Variants in SLC60A1 observed in about 807,000 individuals in gnomAD.
The protein encoded by SLC60A1 is major facilitator superfamily domain containing 4.
the SLC60A1 span, among the ~76,000 whole-genome samples, chr1:205,589,846 G>A: frequency 1.8e-4 from 27 of 152,324 alleles, no homozygotes; most frequent in African/African-American, 4.8e-4. Flanking sequence ...TAGTCCAGGC[G>A]CAAGAGGGAG....
the SLC60A1 span, chr1:205,592,127 T>A: frequency 2.5e-6 from 4 of 1,613,640 alleles, no homozygotes; most frequent in African/African-American, 2.7e-5. Flanking sequence ...CGCCTCCACC[T>A]CTGCCGCGAC....
the SLC60A1 span, among the ~76,000 whole-genome samples, chr1:205,569,901 C>T: frequency 1.3e-5 from 2 of 152,158 alleles, no homozygotes; most frequent in Admixed American, 6.5e-5. Context: ...CTGTGTAGCC[C>T]TCCTCCTGAG....
the SLC60A1 span, among the ~76,000 whole-genome samples, chr1:205,571,964 G>A: frequency 2.0e-5 from 3 of 152,128 alleles, no homozygotes; most frequent in South Asian, 2.1e-4. Context: ...TGTCTTTCTC[G>A]TGGGTTCCTA....
At chr1:205,591,766 G>A in the SLC60A1 span, among the ~76,000 whole-genome samples, 2 of 152,224 alleles carry the variant, frequency 1.3e-5, no homozygotes, top group Admixed American at 6.5e-5. Context: ...CCTACCCCCA[G>A]GGCTGGCAGG....
the SLC60A1 span, among the ~76,000 whole-genome samples, chr1:205,574,635 G>A: frequency 6.6e-6 from 1 of 152,142 alleles, no homozygotes; most frequent in African/African-American, 2.4e-5. Context: ...AGCATGGAGA[G>A]TGGCACATTT....
chr1:205,596,301 A>G, the SLC60A1 span, among the ~76,000 whole-genome samples: 97,739 of 151,804 alleles, frequency 0.64, 32,122 homozygotes, highest in African/African-American at 0.71. Flanking sequence ...GCAGGTGCAG[A>G]GTGATATCAC....
the SLC60A1 span, chr1:205,586,204 C>T: frequency 1.2e-4 from 200 of 1,613,148 alleles, no homozygotes; most frequent in Non-Finnish European, 1.7e-4. Context: ...TTTTCATCAA[C>T]GTGGTAAGCA....
At chr1:205,581,572 T>G in the SLC60A1 span, among the ~76,000 whole-genome samples, 3 of 151,912 alleles carry the variant, frequency 2.0e-5, no homozygotes, top group Admixed American at 2.0e-4. This position sits in a 1 kb window ranked among gnomAD's most constrained non-coding sequence, Gnocchi z 4.2. Context: ...GAGTGTCAGG[T>G]GGGGAGACCC....
At chr1:205,574,133 T>C in the SLC60A1 span, among the ~76,000 whole-genome samples, 1 of 152,084 alleles carries the variant, frequency 6.6e-6, no homozygotes. Context: ...GTAATTTATA[T>C]ATCAATTTTT....
chr1:205,569,018 C>T, the SLC60A1 span: 6 of 1,278,858 alleles, frequency 4.7e-6, no homozygotes, highest in East Asian at 2.0e-4. Flanking sequence ...GCGGGCGGCA[C>T]TCGGGCACCG....
chr1:205,582,255 C>A, the SLC60A1 span, among the ~76,000 whole-genome samples: 1 of 152,134 alleles, frequency 6.6e-6, no homozygotes, highest in Non-Finnish European at 1.5e-5. Context: ...CCGGCTTAAG[C>A]CCGAGGTTTG....
At chr1:205,578,731 C>G in the SLC60A1 span, among the ~76,000 whole-genome samples, 9 of 152,084 alleles carry the variant, frequency 5.9e-5, no homozygotes, top group African/African-American at 9.7e-5. Context: ...GCCTTTCCCC[C>G]TCCCCTCTCT....
the SLC60A1 span, chr1:205,591,970 G>A: frequency 7.1e-6 from 6 of 842,246 alleles, no homozygotes; most frequent in Non-Finnish European, 9.1e-6. Flanking sequence ...AACGGTCCCC[G>A]GAACACTGCG....
the SLC60A1 span, chr1:205,579,701 G>C: frequency 8.8e-6 from 14 of 1,587,958 alleles, no homozygotes; most frequent in South Asian, 1.4e-4. Context: ...GGAGAAGGGG[G>C]AGGGGATGCT....
chr1:205,589,183 C>T, the SLC60A1 span, among the ~76,000 whole-genome samples: 2 of 152,110 alleles, frequency 1.3e-5, no homozygotes, highest in African/African-American at 4.8e-5. Flanking sequence ...GCTTCCAAAC[C>T]CCGGCATCTG....
chr1:205,588,008 G>T, the SLC60A1 span, among the ~76,000 whole-genome samples: 1 of 152,102 alleles, frequency 6.6e-6, no homozygotes, highest in Admixed American at 6.6e-5. Context: ...CAGGTTCCTG[G>T]GCCCAACCCA....
chr1:205,579,697 G>T, the SLC60A1 span: 7 of 1,593,234 alleles, frequency 4.4e-6, no homozygotes, highest in East Asian at 1.1e-4. Context: ...TGGAGGAGAA[G>T]GGGGAGGGGA....
At chr1:205,574,113 T>C in the SLC60A1 span, among the ~76,000 whole-genome samples, 1 of 152,024 alleles carries the variant, frequency 6.6e-6, no homozygotes, top group Non-Finnish European at 1.5e-5. Context: ...ATATGTGAAT[T>C]TTATAGTATG....
chr1:205,587,023 C>T, the SLC60A1 span, among the ~76,000 whole-genome samples: 1 of 152,118 alleles, frequency 6.6e-6, no homozygotes, highest in African/African-American at 2.4e-5. Context: ...GTAGGCAGGA[C>T]ATGGAGGATG....
Sources: gnomAD v4.1 joint callset for allele counts (sites outside exome capture counted in the v4.1 genomes callset) on GRCh38, gnomAD v4.1.1 for gene constraint, Gnocchi (gnomAD v3.1) non-coding constraint, MANE v1.5 for transcripts, NCBI Gene and HGNC (gene_info 2026-07-23, HGNC 2026-07-21) for gene names.